RPS6KA2: variants seen among roughly 807,000 people sequenced by gnomAD.
RPS6KA2 encodes ribosomal protein S6 kinase alpha-2.
A neutral mutation model predicts 91.8 loss-of-function variants in RPS6KA2; 42 were observed. That is an observed-to-expected ratio of 0.46 (90% CI 0.36 to 0.59). RPS6KA2 has a LOEUF of 0.59. Among genes scored for constraint, RPS6KA2 ranks in the 20% least tolerant of loss-of-function variants. The pLI, the probability that RPS6KA2 is intolerant of heterozygous loss-of-function variation, is 0.00. For missense variants in RPS6KA2, 798 were observed against 978.5 expected (o/e 0.82, Z 2.46); for synonymous variants, 414 against 393.6 (o/e 1.05, Z -0.61).
At chr6:166,713,317 T>G (rs1789920951) in intron 2 of RPS6KA2, among the ~76,000 whole-genome samples, 1 of 152,204 alleles carries the variant, frequency 6.6e-6, no homozygotes, top group African/African-American at 2.4e-5. Context: ...GGTTTTCATT[T>G]TGTTTTGTTT....
intron 7 of RPS6KA2, among the ~76,000 whole-genome samples, chr6:166,499,176 G>T (rs920729023): frequency 6.6e-6 from 1 of 152,218 alleles, no homozygotes; most frequent in Non-Finnish European, 1.5e-5. Context: ...AGCTATGATG[G>T]AAGAACAGGG....
chr6:166,806,878 TA>T (rs1779505815), intron 2 of RPS6KA2, among the ~76,000 whole-genome samples: 1 of 152,108 alleles, frequency 6.6e-6, no homozygotes, highest in African/African-American at 2.4e-5. Context: ...AAAGAGGTGG[TA>T]AAGGGGCTGC....
intron 4 of RPS6KA2, chr6:166,509,431 G>C (rs1782385518): frequency 5.9e-6 from 1 of 169,948 alleles, no homozygotes; most frequent in African/African-American, 2.4e-5. Context: ...GGGAGGTAGA[G>C]GTTTGCAACT....
chr6:166,835,722 T>C lies in RPS6KA2; in HGVS notation c.123+22478A>G, dbSNP rs75444090. On this transcript the variant is annotated intron_variant, in intron 2 of 21. Coordinates refer to the RPS6KA2 transcript ENST00000503859. ...CAGCTTGCTTTCTTCCTTTCCAATTTGTATAACTTACATTTCTTTTTTACC... is the reference window on the plus strand; with the variant it reads ...CAGCTTGCTTTCTTCCTTTCCAATTCGTATAACTTACATTTCTTTTTTACC... Among the ~76,000 whole-genome samples, 961 of 152,370 alleles carry C rather than the reference T, an allele frequency of 6.3e-3. 15 individuals carry two copies. Among genetic ancestry groups the C allele is most frequent in the African/African-American group, 0.022 (924 of 41,586 alleles).
At chr6:166,748,136 G>A (rs775304928) in intron 2 of RPS6KA2, among the ~76,000 whole-genome samples, 1 of 152,182 alleles carries the variant, frequency 6.6e-6, no homozygotes, top group Non-Finnish European at 1.5e-5. Context: ...TGTAACTTTA[G>A]AACCATGCGA....
chr6:166,853,805 G>A (rs900118922), intron 2 of RPS6KA2, among the ~76,000 whole-genome samples: 1 of 152,260 alleles, frequency 6.6e-6, no homozygotes. Flanking sequence ...CTTGTTTCCT[G>A]CACGGAGCTG....
intron 1 of RPS6KA2, among the ~76,000 whole-genome samples, chr6:166,564,087 G>A (rs1784422329): frequency 6.6e-6 from 1 of 152,204 alleles, no homozygotes. Flanking sequence ...CCCAGGCTCT[G>A]TGTTTCCTCA....
intron 2 of RPS6KA2, among the ~76,000 whole-genome samples, chr6:166,750,572 G>A (rs769488082): frequency 7.9e-5 from 12 of 152,208 alleles, no homozygotes; most frequent in Admixed American, 2.0e-4. Context: ...CTGTCACAAC[G>A]GGGGTTTCTG....
intron 2 of RPS6KA2, among the ~76,000 whole-genome samples, chr6:166,817,086 C>A (rs531375878): frequency 1.3e-5 from 2 of 152,296 alleles, no homozygotes; most frequent in African/African-American, 4.8e-5. Flanking sequence ...GTGTGCCTTT[C>A]AGAGTAAATG....
At chr6:166,655,495 A>T (rs182703290) in intron 2 of RPS6KA2, among the ~76,000 whole-genome samples, 6 of 152,346 alleles carry the variant, frequency 3.9e-5, no homozygotes, top group Admixed American at 1.3e-4. Context: ...CTGCCAACTC[A>T]GGCCGGTCTG....
In RPS6KA2 at chr6:166,626,278, G is replaced by C. The variant is rs12196315; in HGVS notation, c.99+643C>G. 6.6e-6 allele frequency among the ~76,000 whole-genome samples: 1 copy of C among 152,160 alleles called. No homozygotes were observed. Among genetic ancestry groups the C allele is most frequent in the African/African-American group, 2.4e-5 (1 of 41,428 alleles). On this transcript the variant is annotated intron_variant, in intron 1 of 20. Coordinates refer to ENST00000265678, the MANE Select transcript of RPS6KA2 (RefSeq NM_021135.6). The surrounding 1 kb of genome is among the most constrained non-coding windows in gnomAD (Gnocchi z 4.1). ...ATGCGGGACAGGTAGAAAGGACAGGGCTTTGGGAGTACTCTGGGTTTTCAG... is the reference window on the plus strand; with the variant it reads ...ATGCGGGACAGGTAGAAAGGACAGGCCTTTGGGAGTACTCTGGGTTTTCAG...
At chr6:166,797,104 A>C (rs1377881623) in intron 2 of RPS6KA2, among the ~76,000 whole-genome samples, 1 of 152,150 alleles carries the variant, frequency 6.6e-6, no homozygotes, top group East Asian at 1.9e-4. Context: ...TGATGTGGAG[A>C]CAATCCCTGG....
At chr6:166,746,683 T>C (rs371011231) in intron 2 of RPS6KA2, among the ~76,000 whole-genome samples, 17 of 152,186 alleles carry the variant, frequency 1.1e-4, no homozygotes, top group Non-Finnish European at 2.1e-4. Flanking sequence ...TGGCTATAAA[T>C]AGGGGTTCCT....
At chr6:166,606,355 A>C (rs562654622) in intron 1 of RPS6KA2, among the ~76,000 whole-genome samples, 1 of 152,264 alleles carries the variant, frequency 6.6e-6, no homozygotes. Flanking sequence ...CAAGAAAAGC[A>C]AAAGCAAAAA....
intron 2 of RPS6KA2, among the ~76,000 whole-genome samples, chr6:166,647,929 C>T (rs1360853260): frequency 2.0e-5 from 3 of 150,008 alleles, no homozygotes; most frequent in South Asian, 2.1e-4. Context: ...CTCACACACA[C>T]GCACATGCTC....
At chr6:166,787,154 C>G (rs1778952774) in intron 2 of RPS6KA2, among the ~76,000 whole-genome samples, 1 of 152,124 alleles carries the variant, frequency 6.6e-6, no homozygotes, top group African/African-American at 2.4e-5. Context: ...GACCCAATAA[C>G]TTCTAGGAGT....
intron 2 of RPS6KA2, among the ~76,000 whole-genome samples, chr6:166,745,675 G>A (rs7763415): frequency 0.19 from 28,688 of 152,054 alleles, 4,075 homozygotes; most frequent in African/African-American, 0.4. Flanking sequence ...CTCAGAGAAC[G>A]AGAGGGGGTG....
At position 166,453,595 on chromosome 6, in the gene RPS6KA2, A is replaced by G. The variant is rs572107419; in HGVS notation, c.1076-2362T>C. ...AACAGATGTTGGTGAGGATGTGGAGAAAGGTGGTGGGAATGTAAATTAGTA... is the reference window on the plus strand; with the variant it reads ...AACAGATGTTGGTGAGGATGTGGAGGAAGGTGGTGGGAATGTAAATTAGTA... On this transcript the variant is annotated intron_variant, in intron 12 of 20. Transcript: ENST00000265678. Among the ~76,000 whole-genome samples, 7 of 152,344 alleles carry G rather than the reference A, an allele frequency of 4.6e-5. No homozygotes were observed. In the South Asian group the frequency reaches 1.4e-3, roughly 32 times the overall value.
intron 8 of RPS6KA2, among the ~76,000 whole-genome samples, chr6:166,491,321 C>T (rs188289292): frequency 3.5e-4 from 54 of 152,246 alleles, no homozygotes; most frequent in African/African-American, 8.9e-4. Context: ...CCTGCCAGGA[C>T]GGAACTTGAG....
Sources: allele counts gnomAD v4.1 joint callset (sites outside exome capture counted in the v4.1 genomes callset), GRCh38; gene constraint gnomAD v4.1.1; non-coding constraint Gnocchi (gnomAD v3.1); transcripts MANE v1.5; gene names NCBI Gene and HGNC (gene_info 2026-07-23, HGNC 2026-07-21).